PRKDC: variants seen among roughly 807,000 people sequenced by gnomAD.
PRKDC encodes the protein protein kinase, DNA-activated, catalytic subunit, also known as DNA-dependent protein kinase catalytic subunit.
PRKDC carries 82 observed loss-of-function variants against 486.9 expected under a neutral mutation model. The ratio of observed to expected loss-of-function variants is 0.17; its 90% CI spans 0.14 to 0.20. The LOEUF (loss-of-function observed/expected upper bound fraction) is 0.20, where lower values mean the gene tolerates loss of function less well. Among genes scored for constraint, PRKDC ranks in the 10% least tolerant of loss-of-function variants. PRKDC has a pLI of 1.00. For synonymous variants in PRKDC, 1,895 were observed against 1,837.0 expected, an observed-to-expected ratio of 1.03 and a Z score of -0.81; for missense variants, 4,504 against 5,038.2, an observed-to-expected ratio of 0.89 and a Z score of 3.21.
At chr8:47,785,436 T>A in intron 76 of PRKDC, 119 bp from the exon 77 acceptor site, 1 of 852,960 alleles carries the variant, frequency 1.2e-6, no homozygotes, top group Non-Finnish European at 1.8e-6. Context: ...TCTCTGCTTT[T>A]AAGATGTATA....
chr8:47,878,103 GTT>G (rs1279419423), intron 39 of PRKDC, among the ~76,000 whole-genome samples: 3 of 126,574 alleles, frequency 2.4e-5, no homozygotes, highest in Non-Finnish European at 3.4e-5. Context: ...TTTTTTTTAG[GTT>G]TTTTTTTTTT....
In PRKDC at chr8:47,879,281, T is replaced by C. The variant is rs8178114; in HGVS notation, c.5235+210A>G. Among the ~76,000 whole-genome samples, 3,678 of 152,320 alleles carry C rather than the reference T, an allele frequency of 0.024. 74 individuals carry two copies. The highest frequency in any genetic ancestry group is 0.068 in the Middle Eastern group (20 of 294). On this transcript the variant is annotated intron_variant, in intron 39 of 85. Coordinates refer to ENST00000314191, the MANE Select transcript of PRKDC (RefSeq NM_006904.7). ...CACATAAATAAATGGGACATGGTGC[T>C]GATTCAGTATGTGCTTCCTCTTCTA...
At chr8:47,927,927 A>G (rs1309855852) in intron 19 of PRKDC, 37 bp from the exon 20 acceptor site, 1 of 1,420,592 alleles carries the variant, frequency 7.0e-7, no homozygotes, top group East Asian at 2.6e-5. Flanking sequence ...ATATCTGAAT[A>G]GAGCCTACAT....
Position 47,886,083 on chromosome 8 carries a change from G to A in PRKDC, c.4637C>T (p.Ser1546Leu), listed in dbSNP as rs1372742988. The A allele has an allele frequency of 6.2e-7, 1 of 1,613,626 alleles. No homozygotes were observed. The highest frequency in any genetic ancestry group is 2.2e-5 in the East Asian group (1 of 44,886). The change falls in exon 36 of 86, where the codon TCA becomes TTA. Residue 1546 changes from serine (S) to leucine (L), a missense_variant. By Grantham distance (145) the Ser-to-Leu change is moderately radical. This residue lies in a region of PRKDC where 1,969 missense variants were observed against 2,068.9 expected (regional missense o/e 0.95). Coordinates refer to ENST00000314191, the MANE Select transcript of PRKDC (RefSeq NM_006904.7). ...AVLSTASLGS[S>L]QGSVIHFSHG... ...GGAGAAGTGGATGACGCTGCCCTGT[G>A]AGCTGCCCAAGGACGCCGTGGACAG...
intron 15 of PRKDC, 136 bp from the exon 16 acceptor site, chr8:47,933,308 A>AT (rs576401462): frequency 2.9e-6 from 2 of 684,516 alleles, no homozygotes; most frequent in Non-Finnish European, 4.4e-6. Context: ...ACTGCAGCAG[A>AT]TTTACCTGGA....
intron 31 of PRKDC, among the ~76,000 whole-genome samples, chr8:47,891,698 C>T (rs1431834974): frequency 6.6e-5 from 10 of 151,738 alleles, no homozygotes; most frequent in Non-Finnish European, 1.5e-4. Flanking sequence ...CCAGCCTGGG[C>T]GACGGAGACT....
intron 22 of PRKDC, among the ~76,000 whole-genome samples, chr8:47,915,996 CTT>C (rs1260425536): frequency 4.6e-5 from 7 of 152,188 alleles, no homozygotes; most frequent in Non-Finnish European, 5.9e-5. Context: ...TGATCTTGCA[CTT>C]TGAGTGGATT....
At chr8:47,836,226 T>C in intron 58 of PRKDC, 112 bp downstream of exon 58, 1 of 1,117,668 alleles carries the variant, frequency 8.9e-7, no homozygotes, top group Non-Finnish European at 1.2e-6. Context: ...TTCTTAACGC[T>C]TTTTGCTATT....
intron 22 of PRKDC, among the ~76,000 whole-genome samples, chr8:47,916,229 C>T (rs533956430): frequency 3.2e-4 from 49 of 152,138 alleles, no homozygotes; most frequent in African/African-American, 1.1e-3. Context: ...GGGCAGATCA[C>T]GAGGTCAGGA....
chr8:47,795,574 C>G (rs1157938814), intron 73 of PRKDC, among the ~76,000 whole-genome samples: 2 of 149,064 alleles, frequency 1.3e-5, no homozygotes, highest in Non-Finnish European at 3.0e-5. Flanking sequence ...CTCACTGCAA[C>G]CTTTGCTTTC....
intron 21 of PRKDC, among the ~76,000 whole-genome samples, chr8:47,922,340 T>C (rs1038462540): frequency 6.6e-6 from 1 of 151,990 alleles, no homozygotes; most frequent in Admixed American, 6.6e-5. Context: ...GGTGCAGTGG[T>C]GCGCACCTGT....
intron 58 of PRKDC, among the ~76,000 whole-genome samples, chr8:47,835,430 A>G (rs2087992721): frequency 6.6e-6 from 1 of 151,916 alleles, no homozygotes; most frequent in Non-Finnish European, 1.5e-5. Context: ...CCATCTGGCC[A>G]ATGTGGTGAA....
Position 47,957,414 on chromosome 8 carries a change from C to T in PRKDC, c.172G>A (p.Val58Ile). Residue 58 changes from valine (V) to isoleucine (I), a missense_variant, in exon 2 of 86, where the codon GTT (valine) becomes ATT (isoleucine). Val to Ile is a conservative substitution (Grantham distance 29, BLOSUM62 3). Coordinates refer to ENST00000314191, the MANE Select transcript of PRKDC (RefSeq NM_006904.7). Reference protein sequence around the residue: ...PAVLALQTSLVFSRDFGLLVF... With the variant: ...PAVLALQTSLIFSRDFGLLVF... ...AGCAAACCGAAATCTCTGGAAAAAA[C>T]TAAAGATGTCTGTAATGCTGTTCAA... 1 of 1,584,830 alleles carries T rather than the reference C, an allele frequency of 6.3e-7. No individual in the cohort carries two copies. Among genetic ancestry groups the T allele is most frequent in the Non-Finnish European group, 8.6e-7 (1 of 1,164,406 alleles).
chr8:47,839,158 G>A lies in PRKDC; in HGVS notation c.7543C>T (p.Pro2515Ser), dbSNP rs368697686. Reference sequence around the variant, plus strand: ...CAGTTATTCACGTACTGAAGTCCAGGGTTCTCATCGATCAATCCTTGAATC... The same window carrying A: ...CAGTTATTCACGTACTGAAGTCCAGAGTTCTCATCGATCAATCCTTGAATC... ...VLIQGLIDENPGLQLIIRNFW... is the reference protein window; with the variant it reads ...VLIQGLIDENSGLQLIIRNFW... Residue 2515 changes from proline to serine, a missense_variant, in exon 56 of 86, where the codon CCT (proline) becomes TCT (serine). Around this residue, in one of 6 missense-constraint regions of PRKDC, gnomAD observed 1,592 missense variants for 1,724.6 expected, o/e 0.92. Transcript: ENST00000314191. 1.9e-6 allele frequency: 3 copies of A among 1,612,358 alleles called. No individual in the cohort carries two copies. The African/African-American group carries it at 4.0e-5, about 22-fold the overall frequency.
intron 54 of PRKDC, among the ~76,000 whole-genome samples, chr8:47,844,854 T>TA (rs2088232013): frequency 6.6e-6 from 1 of 152,072 alleles, no homozygotes; most frequent in Non-Finnish European, 1.5e-5. Context: ...ACAGGGACAC[T>TA]AAATGCCTAC....
At chr8:47,831,664 G>C (rs2087879240) in intron 60 of PRKDC, 150 bp downstream of exon 60, 2 of 755,556 alleles carry the variant, frequency 2.6e-6, no homozygotes, top group East Asian at 5.4e-5. Context: ...ATCCCTGTGG[G>C]GGAGCCCCAG....
At chr8:47,796,337 CA>C (rs921787917) in intron 73 of PRKDC, among the ~76,000 whole-genome samples, 2 of 151,012 alleles carry the variant, frequency 1.3e-5, no homozygotes, top group Non-Finnish European at 3.0e-5. Flanking sequence ...ACTCCGTCAC[CA>C]AAAAAATAAA....
At chr8:47,780,032 A>C (rs565881132) in intron 80 of PRKDC, among the ~76,000 whole-genome samples, 1 of 147,384 alleles carries the variant, frequency 6.8e-6, no homozygotes, top group Non-Finnish European at 1.5e-5. Flanking sequence ...CTCATGCCTC[A>C]GCCTCCTAAG....
chr8:47,954,877 G>T (rs191372004), intron 4 of PRKDC, among the ~76,000 whole-genome samples: 39 of 152,218 alleles, frequency 2.6e-4, no homozygotes, highest in Admixed American at 2.6e-3. Context: ...ACTGATTCCC[G>T]CCAGACAGTG....
Sources: allele counts gnomAD v4.1 joint callset (sites outside exome capture counted in the v4.1 genomes callset), GRCh38; gene constraint gnomAD v4.1.1; regional missense constraint gnomAD v4.1.1; transcripts MANE v1.5; gene names NCBI Gene and HGNC (gene_info 2026-07-23, HGNC 2026-07-21).